ENOX1: variants seen among roughly 807,000 people sequenced by gnomAD.
The protein encoded by ENOX1 is ecto-NOX disulfide-thiol exchanger 1.
Under a neutral mutation model 82.5 loss-of-function variants are expected in ENOX1, and 42 were observed. That is an observed-to-expected ratio of 0.51 (90% CI 0.40 to 0.66). The LOEUF is 0.66. Among genes scored for constraint, ENOX1 ranks in the 30% least tolerant of loss-of-function variants. The pLI is 0.00. For missense variants in ENOX1, 608 were observed against 811.6 expected, an observed-to-expected ratio of 0.75 and a Z score of 3.05; for synonymous variants, 271 against 282.2, an observed-to-expected ratio of 0.96 and a Z score of 0.40.
At position 43,236,745 on chromosome 13, in the gene ENOX1, A is replaced by G. The variant is rs751380722; in HGVS notation, c.1612-7T>C. On this transcript the variant is annotated splice_region_variant and splice_polypyrimidine_tract_variant and intron_variant, in intron 14 of 16. Coordinates refer to ENST00000690772, the MANE Select transcript of ENOX1 (RefSeq NM_001347969.2). ...CTGTCAACACATTGATTTCCTATAA[A>G]GTTAAAAGCCAAAAACCATATATGG... The G allele has an allele frequency of 6.5e-7, 1 of 1,550,366 alleles. No homozygotes were observed. Among genetic ancestry groups the G allele is most frequent in the South Asian group, 1.2e-5 (1 of 80,674 alleles).
chr13:43,491,465 A>C (rs1365020538), intron 2 of ENOX1, among the ~76,000 whole-genome samples: 1 of 152,150 alleles, frequency 6.6e-6, no homozygotes, highest in Admixed American at 6.5e-5. Flanking sequence ...GTGGTGATAA[A>C]CATTTGAACT....
At chr13:43,563,082 T>C (rs1419234538) in intron 2 of ENOX1, among the ~76,000 whole-genome samples, 2 of 152,094 alleles carry the variant, frequency 1.3e-5, no homozygotes, top group Non-Finnish European at 2.9e-5. Context: ...CTGCAAAATA[T>C]ACACTCTTCT....
chr13:43,629,211 C>T (rs895104993), intron 2 of ENOX1, among the ~76,000 whole-genome samples: 5 of 152,146 alleles, frequency 3.3e-5, no homozygotes, highest in South Asian at 2.1e-4. Context: ...TTCCCTGGCA[C>T]GGGTAAGAGT....
chr13:43,748,710 A>G (rs941250534), intron 1 of ENOX1, among the ~76,000 whole-genome samples: 1 of 152,216 alleles, frequency 6.6e-6, no homozygotes, highest in Non-Finnish European at 1.5e-5. Context: ...ATACTAAATA[A>G]TGGATACAAA....
intron 1 of ENOX1, among the ~76,000 whole-genome samples, chr13:43,726,718 TTGTGTGTG>T (rs55918525): frequency 0.03 from 4,369 of 144,772 alleles, 204 homozygotes; most frequent in African/African-American, 0.097. Context: ...GCATTGACTT[TTGTGTGTG>T]TGTGTGTGTG....
intron 3 of ENOX1, among the ~76,000 whole-genome samples, chr13:43,467,811 GATC>G (rs1370417764): frequency 6.6e-5 from 10 of 151,962 alleles, no homozygotes; most frequent in African/African-American, 2.2e-4. Context: ...TTAAATCTTG[GATC>G]ATTTTTAATT....
At chr13:43,449,952 T>G (rs1399315773) in intron 3 of ENOX1, among the ~76,000 whole-genome samples, 1 of 152,218 alleles carries the variant, frequency 6.6e-6, no homozygotes, top group African/African-American at 2.4e-5. Context: ...TTTCATTTGT[T>G]TTTAACATTT....
At chr13:43,593,975 T>C (rs1480204433) in intron 2 of ENOX1, among the ~76,000 whole-genome samples, 1 of 152,100 alleles carries the variant, frequency 6.6e-6, no homozygotes, top group Non-Finnish European at 1.5e-5. Context: ...CAGGGAGATG[T>C]GCTCCTACCT....
At chr13:43,229,899 G>A (rs1051899494) in intron 15 of ENOX1, among the ~76,000 whole-genome samples, 1 of 152,184 alleles carries the variant, frequency 6.6e-6, no homozygotes, top group African/African-American at 2.4e-5. Flanking sequence ...AAGGGGAATC[G>A]GGAGTTCTGT....
At chr13:43,316,724 C>A (rs1429591383) in intron 11 of ENOX1, among the ~76,000 whole-genome samples, 1 of 150,266 alleles carries the variant, frequency 6.7e-6, no homozygotes, top group East Asian at 1.9e-4. Flanking sequence ...AAAATCCACC[C>A]AAAATAAATA....
intron 5 of ENOX1, among the ~76,000 whole-genome samples, chr13:43,365,923 G>A (rs1156457036): frequency 1.3e-5 from 2 of 152,208 alleles, no homozygotes; most frequent in East Asian, 3.9e-4. Context: ...AGGCTGGAAG[G>A]GCTCTAACAA....
chr13:43,566,988 T>C (rs2079947912), intron 2 of ENOX1, among the ~76,000 whole-genome samples: 2 of 152,072 alleles, frequency 1.3e-5, no homozygotes, highest in South Asian at 2.1e-4. Flanking sequence ...AGCAGAACAA[T>C]GAGCCCTCCC....
At chr13:43,583,027 A>G (rs1400313498) in intron 2 of ENOX1, among the ~76,000 whole-genome samples, 1 of 152,134 alleles carries the variant, frequency 6.6e-6, no homozygotes, top group Non-Finnish European at 1.5e-5. Flanking sequence ...GCACGCACAC[A>G]CACAGCCTAG....
intron 1 of ENOX1, among the ~76,000 whole-genome samples, chr13:43,669,316 T>C (rs2085142567): frequency 6.6e-6 from 1 of 152,200 alleles, no homozygotes. Context: ...CTCCCCTCTC[T>C]GAGCCCTTCT....
intron 1 of ENOX1, among the ~76,000 whole-genome samples, chr13:43,785,864 G>C (rs1952557653): frequency 6.6e-6 from 1 of 152,186 alleles, no homozygotes; most frequent in Non-Finnish European, 1.5e-5. Context: ...GGAGGACGTG[G>C]GGTGGTCTGG....
intron 2 of ENOX1, among the ~76,000 whole-genome samples, chr13:43,556,494 C>T (rs1352855732): frequency 6.6e-6 from 1 of 151,788 alleles, no homozygotes; most frequent in African/African-American, 2.4e-5. Flanking sequence ...ATCTCTCAAA[C>T]TTCGTAGTAA....
chr13:43,705,954 G>A (rs1398777045), intron 1 of ENOX1, among the ~76,000 whole-genome samples: 2 of 151,960 alleles, frequency 1.3e-5, no homozygotes, highest in Non-Finnish European at 2.9e-5. Context: ...TTAAAAATCA[G>A]ATAGAATATG....
At chr13:43,515,029 T>C (rs2077506727) in intron 2 of ENOX1, among the ~76,000 whole-genome samples, 1 of 152,146 alleles carries the variant, frequency 6.6e-6, no homozygotes, top group South Asian at 2.1e-4. Context: ...GATACACATT[T>C]TGTTTCATTT....
chr13:43,516,961 A>G (rs1352508870), intron 2 of ENOX1, among the ~76,000 whole-genome samples: 1 of 152,216 alleles, frequency 6.6e-6, no homozygotes, highest in Non-Finnish European at 1.5e-5. Flanking sequence ...CAAAGAATGT[A>G]TATCAAAGAA....
Sources: allele counts gnomAD v4.1 joint callset (sites outside exome capture counted in the v4.1 genomes callset), GRCh38; gene constraint gnomAD v4.1.1; transcripts MANE v1.5; gene names NCBI Gene and HGNC (gene_info 2026-07-23, HGNC 2026-07-21).